Variants in MROH1 observed in about 807,000 individuals in gnomAD.
MROH1 encodes the protein maestro heat-like repeat-containing protein family member 1.
Under a neutral mutation model 116.5 loss-of-function variants are expected in MROH1, and 117 were observed. The observed-to-expected ratio is 1.00, with a 90% CI of 0.86 to 1.17. The LOEUF is 1.17. MROH1 is among the 50% of genes most tolerant of loss of function. MROH1 has a pLI of 0.00. For synonymous variants in MROH1, 921 were observed against 583.9 expected, an observed-to-expected ratio of 1.58 and a Z score of -8.32; for missense variants, 1,873 against 1,338.5, an observed-to-expected ratio of 1.40 and a Z score of -6.23.
chr8:144,244,057 CGTGTGTGCACGCCTTGT>C, intron 26 of MROH1, 115 bp downstream of exon 26: 1 of 711,988 alleles, frequency 1.4e-6, no homozygotes, highest in East Asian at 2.7e-5. Context: ...CCTGTGCTTG[CGTGTGTGCACGCCTTGT>C]GTGTGCGCAT....
chr8:144,247,443 C>G lies in MROH1; in HGVS notation c.3007+7C>G. 2.6e-6 allele frequency: 2 copies of G among 769,798 alleles called. No homozygotes were observed. The highest frequency in any genetic ancestry group is 4.8e-6 in the Non-Finnish European group (2 of 412,990). 47.7% of individuals were successfully genotyped at this position (769,798 alleles called of 1,614,324 possible). On this transcript the variant is annotated splice_region_variant and intron_variant, in intron 30 of 43. Transcript: ENST00000326134. ...CTCCAGCTCGGCTATGAGGGTGAGC[C>G]CTCGTCAGGAGTGTGGGGGCCAGTG...
At chr8:144,168,033 G>A (rs562945957) in intron 3 of MROH1, among the ~76,000 whole-genome samples, 1 of 152,292 alleles carries the variant, frequency 6.6e-6, no homozygotes, top group South Asian at 2.1e-4. Context: ...GGGCTAAATA[G>A]TGTGTCCTGG....
intron 12 of MROH1, among the ~76,000 whole-genome samples, chr8:144,216,776 A>T (rs1588249699): frequency 6.8e-6 from 1 of 146,710 alleles, no homozygotes; most frequent in African/African-American, 2.7e-5. Context: ...TGCAACTTCC[A>T]CCTCCTGGGT....
rs1196382649 is a variant in MROH1, at chr8:144,180,308, T to A, written c.431T>A (p.Leu144Gln). The A allele has an allele frequency of 6.2e-7, 1 of 1,606,790 alleles. No individual in the cohort carries two copies. Among genetic ancestry groups the A allele is most frequent in the Non-Finnish European group, 8.5e-7 (1 of 1,179,474 alleles). ...HPGTLPHCAV[L>Q]HTLASLSVAN... is the part of the protein sequence containing the mutation. ...GGGACCCTGCCACACTGCGCCGTGC[T>A]GCACACCCTCGCCAGCCTCTCGGTG... The change falls in exon 6 of 44, where the codon CTG becomes CAG. Residue 144 changes from leucine (L) to glutamine (Q), a missense_variant. Leu to Gln is a moderately radical substitution (Grantham distance 113). Coordinates refer to ENST00000326134, the MANE Select transcript of MROH1 (RefSeq NM_032450.3). This position sits in a 1 kb window ranked among gnomAD's most constrained non-coding sequence, Gnocchi z 7.4.
intron 24 of MROH1, 51 bp from the exon 25 acceptor site, chr8:144,243,443 C>A (rs1270820502): frequency 2.6e-6 from 2 of 774,474 alleles, no homozygotes; most frequent in South Asian, 1.3e-5. Flanking sequence ...TGCGCGGGTT[C>A]AGCCCTGGAG....
rs1350562274 is a variant in MROH1 at position 144,260,239 on chromosome 8, C to T, written c.4245C>T (p.Asp1415=). Residue 1415 remains aspartate, a synonymous_variant, in exon 39 of 44, where the codon GAC becomes GAT. Coordinates refer to ENST00000326134, the MANE Select transcript of MROH1 (RefSeq NM_032450.3). Reference sequence around the variant, plus strand: ...CAGCCATGATTGGCGGGCTGGACGACGGGGACAACCCTCACAGCCCAGTGG... The same window carrying T: ...CAGCCATGATTGGCGGGCTGGACGATGGGGACAACCCTCACAGCCCAGTGG... ...LLTAMIGGLD[D]GDNPHSPVAL... is the part of the protein sequence containing the mutation. 16 of 765,950 alleles carry T rather than the reference C, an allele frequency of 2.1e-5. No individual in the cohort carries two copies. Among genetic ancestry groups the T allele is most frequent in the East Asian group, 2.4e-5 (1 of 41,242 alleles). 47.4% of individuals were successfully genotyped at this position (765,950 alleles called of 1,614,324 possible). A position where few individuals can be genotyped will look rare whatever the true frequency, so the allele number is the denominator to read the frequency against.
At chr8:144,224,667 T>C (rs765697601) in intron 14 of MROH1, among the ~76,000 whole-genome samples, 4 of 152,186 alleles carry the variant, frequency 2.6e-5, no homozygotes, top group African/African-American at 4.8e-5. Context: ...CCTTTCTACT[T>C]TTGCATGTTT....
intron 3 of MROH1, among the ~76,000 whole-genome samples, chr8:144,167,763 T>G (rs1821316113): frequency 6.6e-6 from 1 of 152,288 alleles, no homozygotes; most frequent in Admixed American, 6.5e-5. Flanking sequence ...TATGTCTTTA[T>G]TCCTTCATGT....
At chr8:144,157,042 G>A (rs928326483) in intron 1 of MROH1, among the ~76,000 whole-genome samples, 9 of 152,120 alleles carry the variant, frequency 5.9e-5, no homozygotes, top group Middle Eastern at 3.4e-3. Context: ...TGCAACCTCC[G>A]CCTCCCGCAT....
At chr8:144,247,903 A>G (rs1036212434) in intron 31 of MROH1, among the ~76,000 whole-genome samples, 3 of 152,258 alleles carry the variant, frequency 2.0e-5, no homozygotes, top group Admixed American at 6.5e-5. Flanking sequence ...TATGAGAGGA[A>G]GGTGCTATTT....
At chr8:144,213,646 G>A (rs1834655246) in intron 12 of MROH1, among the ~76,000 whole-genome samples, 1 of 152,084 alleles carries the variant, frequency 6.6e-6, no homozygotes, top group Admixed American at 6.6e-5. Flanking sequence ...AAAATTAGCT[G>A]GGCGTGGTGG....
intron 35 of MROH1, among the ~76,000 whole-genome samples, chr8:144,258,507 G>A (rs1844350133): frequency 1.3e-5 from 2 of 152,202 alleles, no homozygotes; most frequent in South Asian, 2.1e-4. Flanking sequence ...GGCTTTGCCT[G>A]TGTCCAGCTC....
At chr8:144,184,188 C>T (rs1362304732) in intron 7 of MROH1, among the ~76,000 whole-genome samples, 1 of 152,188 alleles carries the variant, frequency 6.6e-6, no homozygotes, top group Admixed American at 6.5e-5. Context: ...TAAGCTGAGA[C>T]GTTAGCCGTG....
chr8:144,207,373 A>G (rs951238384), intron 12 of MROH1, among the ~76,000 whole-genome samples: 1 of 151,792 alleles, frequency 6.6e-6, no homozygotes, highest in Admixed American at 6.6e-5. Flanking sequence ...TTTTTAGTAG[A>G]GACAGGGTTT....
At chr8:144,165,588 T>TGC (rs1254213582) in intron 3 of MROH1, among the ~76,000 whole-genome samples, 1 of 151,942 alleles carries the variant, frequency 6.6e-6, no homozygotes, top group Non-Finnish European at 1.5e-5. Flanking sequence ...TTTGTGTGTG[T>TGC]TTTTGAGACT....
In MROH1 at chr8:144,163,849, G is replaced by C. The variant is rs768346875; in HGVS notation, c.22+1G>C. On this transcript the variant is annotated splice_donor_variant, in intron 3 of 43. Coordinates refer to ENST00000326134, the MANE Select transcript of MROH1 (RefSeq NM_032450.3). LOFTEE classifies it high-confidence loss of function. The surrounding 1 kb of genome is among the most constrained non-coding windows in gnomAD (Gnocchi z 4.4). The stretch of plus-strand genomic sequence containing the variant: ...GACATGACTGAGTCCTCCATGAAGA[G>C]TGAGTGCATGGGGATTGGGAGTGGC... The C allele has an allele frequency of 1.2e-6, 2 of 1,613,780 alleles. No individual in the cohort carries two copies. Among genetic ancestry groups the C allele is most frequent in the Non-Finnish European group, 8.5e-7 (1 of 1,179,780 alleles).
intron 12 of MROH1, among the ~76,000 whole-genome samples, chr8:144,207,242 C>T (rs1398197328): frequency 6.6e-6 from 1 of 151,726 alleles, no homozygotes; most frequent in African/African-American, 2.4e-5. Flanking sequence ...AGCCGGAGTG[C>T]AGTGGTGCGA....
At chr8:144,250,805 C>A (rs1842731172) in intron 33 of MROH1, 1 of 346,664 alleles carries the variant, frequency 2.9e-6, no homozygotes. Flanking sequence ...CTGATCTGAG[C>A]CCCCTCAGGA....
chr8:144,155,929 G>C (rs959342096), intron 1 of MROH1, among the ~76,000 whole-genome samples: 1 of 149,046 alleles, frequency 6.7e-6, no homozygotes, highest in East Asian at 2.2e-4. Context: ...CACTGCACCC[G>C]GCCAGTTTTT....
Sources: allele counts gnomAD v4.1 joint callset (sites outside exome capture counted in the v4.1 genomes callset), GRCh38; gene constraint gnomAD v4.1.1; non-coding constraint Gnocchi (gnomAD v3.1); transcripts MANE v1.5; gene names NCBI Gene and HGNC (gene_info 2026-07-23, HGNC 2026-07-21).